Variants in ARHGEF26 observed in about 807,000 individuals in gnomAD.
ARHGEF26 encodes the protein Rho guanine nucleotide exchange factor 26, also known as Rho guanine nucleotide exchange factor (GEF) 26.
In ARHGEF26, 59 loss-of-function variants were observed where a neutral mutation model predicts 89.4. That is an observed-to-expected ratio of 0.66 (90% CI 0.54 to 0.82). The LOEUF (loss-of-function observed/expected upper bound fraction) is 0.82, where lower values mean the gene tolerates loss of function less well. ARHGEF26 is among the 40% of genes least tolerant of loss of function. The probability of loss-of-function intolerance (pLI) is 0.00; values close to 1 mark genes in which losing one functional copy is unlikely to be tolerated. For synonymous variants in ARHGEF26, 500 were observed against 428.4 expected (o/e 1.17, Z -2.06); for missense variants, 1,234 against 1,085.6 (o/e 1.14, Z -1.92).
intron 4 of ARHGEF26, among the ~76,000 whole-genome samples, chr3:154,132,202 G>A (rs950149486): frequency 5.9e-5 from 9 of 151,970 alleles, no homozygotes; most frequent in Non-Finnish European, 1.3e-4. Context: ...TTGTTATAAA[G>A]TGCTTTAAAC....
Position 154,187,690 on chromosome 3 carries a change from T to G in ARHGEF26, c.1493T>G (p.Phe498Cys). Reference sequence around the variant, plus strand: ...TTTTCCCTTTGGTTTTTCAGGTTCTTTATAGAGTTGGAAGCAAGACATCAG... The same window carrying G: ...TTTTCCCTTTGGTTTTTCAGGTTCTGTATAGAGTTGGAAGCAAGACATCAG... ...TDVCEASKKF[F>C]IELEARHQNN... Residue 498 changes from phenylalanine (F) to cysteine (C), a missense_variant, in exon 7 of 15, where the codon TTT becomes TGT. Coordinates refer to ENST00000465093, the MANE Select transcript of ARHGEF26 (RefSeq NM_015595.4). 2 of 1,603,208 alleles carry G rather than the reference T, an allele frequency of 1.2e-6. No individual in the cohort carries two copies. Among genetic ancestry groups the G allele is most frequent in the East Asian group, 4.5e-5 (2 of 44,732 alleles).
chr3:154,201,245 C>G (rs1714615671), intron 9 of ARHGEF26, among the ~76,000 whole-genome samples: 1 of 148,472 alleles, frequency 6.7e-6, no homozygotes, highest in African/African-American at 2.5e-5. Flanking sequence ...AGAGTGAGAA[C>G]ATGAAGTGTT....
intron 9 of ARHGEF26, among the ~76,000 whole-genome samples, chr3:154,201,159 C>G (rs1576769998): frequency 6.6e-6 from 1 of 150,428 alleles, no homozygotes; most frequent in Non-Finnish European, 1.5e-5. Flanking sequence ...CCCCCTCCCC[C>G]GACCCCACCA....
At position 154,225,861 on chromosome 3, in the gene ARHGEF26, TC is replaced by T; in HGVS notation, c.1943del (p.Pro648LeufsTer2). The stretch of plus-strand genomic sequence containing the variant: ...GGGTTTTTCTCCTTTTGTAGCCTTT[TC>T]CTTTAGTCTCCTCTTCCCGGTGGTT... ...SQLEFKIKPF[P>X]LVSSSRWLVK... On this transcript the variant is annotated frameshift_variant, in exon 11 of 15. Coordinates refer to ENST00000465093, the MANE Select transcript of ARHGEF26 (RefSeq NM_015595.4). LOFTEE classifies it high-confidence loss of function. The T allele has an allele frequency of 6.3e-7, 1 of 1,597,510 alleles. No individual in the cohort carries two copies. The highest frequency in any genetic ancestry group is 8.5e-7 in the Non-Finnish European group (1 of 1,174,622).
intron 4 of ARHGEF26, among the ~76,000 whole-genome samples, chr3:154,137,019 T>C (rs980447659): frequency 4.6e-5 from 7 of 152,310 alleles, no homozygotes; most frequent in Non-Finnish European, 1.0e-4. Flanking sequence ...CTGGAATCCT[T>C]GTGTCTTTAT....
chr3:154,237,769 A>G (rs1324471346), intron 11 of ARHGEF26, among the ~76,000 whole-genome samples: 1 of 152,136 alleles, frequency 6.6e-6, no homozygotes, highest in Non-Finnish European at 1.5e-5. Flanking sequence ...ACGCCTACAC[A>G]CATGTCATTG....
chr3:154,237,571 C>CACACA (rs1247623612), intron 11 of ARHGEF26, among the ~76,000 whole-genome samples: 8 of 151,434 alleles, frequency 5.3e-5, no homozygotes, highest in African/African-American at 1.9e-4. Flanking sequence ...CACACACACA[C>CACACA]ACTTAACTAG....
At chr3:154,166,053 T>C (rs1355246563) in intron 6 of ARHGEF26, among the ~76,000 whole-genome samples, 1 of 152,164 alleles carries the variant, frequency 6.6e-6, no homozygotes, top group Non-Finnish European at 1.5e-5. Flanking sequence ...TTTTATTTTT[T>C]ATTTTTGAGA....
chr3:154,216,502 A>ATT (rs1293834056), intron 9 of ARHGEF26, among the ~76,000 whole-genome samples: 19 of 49,068 alleles, frequency 3.9e-4, no homozygotes, highest in East Asian at 2.1e-3. Flanking sequence ...ATTTTTTTTT[A>ATT]TTTTTTATTT....
intron 6 of ARHGEF26, among the ~76,000 whole-genome samples, chr3:154,165,531 G>A (rs1711960907): frequency 6.6e-6 from 1 of 152,116 alleles, no homozygotes; most frequent in African/African-American, 2.4e-5. Flanking sequence ...TGGAAACTCA[G>A]GTGTTCAAAC....
intron 10 of ARHGEF26, among the ~76,000 whole-genome samples, chr3:154,224,180 T>C (rs1029908637): frequency 6.6e-6 from 1 of 152,224 alleles, no homozygotes; most frequent in Non-Finnish European, 1.5e-5. Flanking sequence ...TTCCTTTATT[T>C]GGATCATTTT....
intron 4 of ARHGEF26, among the ~76,000 whole-genome samples, chr3:154,135,169 A>C (rs1261570587): frequency 6.6e-6 from 1 of 151,932 alleles, no homozygotes; most frequent in Non-Finnish European, 1.5e-5. Flanking sequence ...AGTTCTTTTT[A>C]CATCTGGTAG....
chr3:154,145,832 T>A (rs1194773394), intron 4 of ARHGEF26, among the ~76,000 whole-genome samples: 1 of 152,198 alleles, frequency 6.6e-6, no homozygotes, highest in Non-Finnish European at 1.5e-5. Context: ...GAGGGATCTA[T>A]TTGGGGCTTA....
At chr3:154,243,993 A>G (rs1717639511) in intron 12 of ARHGEF26, among the ~76,000 whole-genome samples, 1 of 152,170 alleles carries the variant, frequency 6.6e-6, no homozygotes, top group Non-Finnish European at 1.5e-5. Context: ...TTCTTCCAAC[A>G]TTTGTGAAAT....
At chr3:154,182,084 A>T (rs1345164701) in intron 6 of ARHGEF26, among the ~76,000 whole-genome samples, 1 of 151,740 alleles carries the variant, frequency 6.6e-6, no homozygotes, top group Non-Finnish European at 1.5e-5. Flanking sequence ...ATACACACAC[A>T]CTATATATAT....
In ARHGEF26 at chr3:154,122,175, A is replaced by C; in HGVS notation, c.183A>C (p.Ala61=). 6.3e-7 allele frequency: 1 copy of C among 1,599,262 alleles called. No homozygotes were observed. ...FPVEDGGTLL[A]AQIPAQVPTA... is the part of the protein sequence containing the mutation. ...TGGAGGACGGAGGGACGCTCCTCGC[A>C]GCGCAGATTCCCGCCCAGGTGCCCA... Residue 61 remains alanine, a synonymous_variant, in exon 2 of 15, where the codon GCA becomes GCC. Transcript: ENST00000465093.
chr3:154,130,423 G>T (rs1253068398), intron 4 of ARHGEF26, among the ~76,000 whole-genome samples: 1 of 152,258 alleles, frequency 6.6e-6, no homozygotes, highest in East Asian at 1.9e-4. Flanking sequence ...TTACAGGCAT[G>T]AGCCACCGCA....
At chr3:154,215,137 C>T (rs572761222) in intron 9 of ARHGEF26, among the ~76,000 whole-genome samples, 2 of 152,126 alleles carry the variant, frequency 1.3e-5, no homozygotes, top group Non-Finnish European at 1.5e-5. Context: ...ATGATCTAAC[C>T]GTGGCCTATC....
intron 7 of ARHGEF26, 143 bp downstream of exon 7, chr3:154,187,980 A>G: frequency 1.2e-6 from 1 of 861,514 alleles, no homozygotes; most frequent in South Asian, 2.6e-5. Flanking sequence ...GTTTAAGAGC[A>G]TTACTTTTAG....
Sources: allele counts gnomAD v4.1 joint callset (sites outside exome capture counted in the v4.1 genomes callset), GRCh38; gene constraint gnomAD v4.1.1; transcripts MANE v1.5; gene names NCBI Gene and HGNC (gene_info 2026-07-23, HGNC 2026-07-21).